Variants in RIF1 observed in about 807,000 individuals in gnomAD.
RIF1 encodes the protein replication timing regulatory factor 1.
In RIF1, 45 loss-of-function variants were observed where a neutral mutation model predicts 247.1. The ratio of observed to expected loss-of-function variants is 0.18; its 90% confidence interval spans 0.14 to 0.23. The LOEUF is 0.23. Ranked by LOEUF, RIF1 falls within the 10% of genes least tolerant of loss-of-function variation. The probability of loss-of-function intolerance (pLI) is 1.00; values close to 1 mark genes in which losing one functional copy is unlikely to be tolerated. For synonymous variants in RIF1, 1,087 were observed against 978.8 expected (o/e 1.11, Z -2.06); for missense variants, 2,967 against 2,862.5 (o/e 1.04, Z -0.83).
At chr2:151,500,425 C>CAG (rs60202285) in intron 11 of RIF1, among the ~76,000 whole-genome samples, 89,212 of 150,942 alleles carry the variant, frequency 0.59, 26,706 homozygotes, top group Admixed American at 0.7. Context: ...GTATATAATA[C>CAG]ACAAATAATT....
At chr2:151,497,312 G>A in intron 10 of RIF1, 1 of 974,212 alleles carries the variant, frequency 1.0e-6, no homozygotes, top group African/African-American at 1.8e-5. Flanking sequence ...TGAGTACCAT[G>A]CCTCCTAAAC....
At chr2:151,503,578 A>T (rs953925322) in intron 12 of RIF1, 3 of 564,688 alleles carry the variant, frequency 5.3e-6, no homozygotes, top group Non-Finnish European at 9.3e-6. Context: ...AACAGGGGGG[A>T]AAATTCCATG....
At chr2:151,448,331 G>T (rs544816647) in intron 20 of RIF1, among the ~76,000 whole-genome samples, 3 of 151,972 alleles carry the variant, frequency 2.0e-5, no homozygotes. Context: ...GGTGTGAGCC[G>T]CCGCGCCCAG....
downstream of RIF1, among the ~76,000 whole-genome samples, chr2:151,509,273 G>A (rs1030099271): frequency 6.6e-6 from 1 of 152,154 alleles, no homozygotes; most frequent in African/African-American, 2.4e-5. Flanking sequence ...ATGAACAAAT[G>A]TTTTGTTCAT....
At chr2:151,516,112 A>G in the RIF1 span, among the ~76,000 whole-genome samples, 1 of 152,236 alleles carries the variant, frequency 6.6e-6, no homozygotes, top group Non-Finnish European at 1.5e-5. Context: ...CTAAGAGTAG[A>G]GCATTTCAAA....
chr2:151,534,364 G>A, the RIF1 span: 4 of 1,538,770 alleles, frequency 2.6e-6, no homozygotes, highest in Non-Finnish European at 3.6e-6. Context: ...ACAACTTCAA[G>A]GCTACACAAA....
intron 9 of RIF1, chr2:151,493,628 G>A (rs1316962210): frequency 1.3e-6 from 1 of 747,130 alleles, no homozygotes; most frequent in African/African-American, 1.8e-5. Context: ...TGACCTCGTG[G>A]GGTTGGTTTG....
Position 151,462,281 on chromosome 2 carries a change from C to A in RIF1, c.3267C>A (p.Ser1089=), listed in dbSNP as rs1185238870. Residue 1089 remains serine (S), a synonymous_variant, in exon 28 of 36, where the codon TCC becomes TCA. Transcript: ENST00000444746. ...CCATGTATAATAATCTGGATGTTTC[C>A]CAAGATACCTTATTTACTCAGTATA... The part of the protein sequence containing the change: ...IPAMYNNLDV[S]QDTLFTQYSQ... 2.5e-6 allele frequency: 4 copies of A among 1,588,922 alleles called. No homozygotes were observed. The highest frequency in any genetic ancestry group is 2.6e-6 in the Non-Finnish European group (3 of 1,164,594).
At chr2:151,410,574 G>A (rs1573814966) in intron 2 of RIF1, 47 bp downstream of exon 2, 3 of 1,471,548 alleles carry the variant, frequency 2.0e-6, no homozygotes, top group Non-Finnish European at 9.5e-7. Flanking sequence ...GCTCTATAGT[G>A]GGGAGAAAGA....
At chr2:151,415,630 T>C (rs964603442) in intron 4 of RIF1, among the ~76,000 whole-genome samples, 1 of 148,114 alleles carries the variant, frequency 6.8e-6, no homozygotes, top group Non-Finnish European at 1.5e-5. Context: ...TCCCAGCACT[T>C]TGGGAGGCCG....
At chr2:151,516,675 G>T in the RIF1 span, 2 of 743,676 alleles carry the variant, frequency 2.7e-6, no homozygotes, top group Admixed American at 2.1e-5. Context: ...GCATCTCATT[G>T]CCACTCAAAA....
chr2:151,504,693 CTT>C (rs1246824154), intron 12 of RIF1, among the ~76,000 whole-genome samples: 1 of 152,202 alleles, frequency 6.6e-6, no homozygotes, highest in African/African-American at 2.4e-5. Context: ...TTCACATAGT[CTT>C]TTGCTAGTAG....
At chr2:151,449,693 T>G (rs1481316375) in intron 20 of RIF1, among the ~76,000 whole-genome samples, 1 of 152,250 alleles carries the variant, frequency 6.6e-6, no homozygotes, top group African/African-American at 2.4e-5. Flanking sequence ...GAAAACAACA[T>G]GTAGTTTTAT....
At chr2:151,520,947 T>C in the RIF1 span, among the ~76,000 whole-genome samples, 5 of 152,132 alleles carry the variant, frequency 3.3e-5, no homozygotes, top group African/African-American at 1.2e-4. Flanking sequence ...AAAAACAAAC[T>C]GATGCTTTTG....
intron 10 of RIF1, chr2:151,497,555 GTAT>G: frequency 6.6e-7 from 1 of 1,525,840 alleles, no homozygotes; most frequent in Non-Finnish European, 8.8e-7. Context: ...GGATTAATAC[GTAT>G]TATTTTAAAT....
the RIF1 span, chr2:151,529,115 G>C: frequency 2.5e-6 from 2 of 809,800 alleles, no homozygotes; most frequent in Non-Finnish European, 4.3e-6. Context: ...TCAATCACTA[G>C]AGCTGAATTG....
Position 151,465,326 on chromosome 2 carries a change from G to A in RIF1, c.5806G>A (p.Gly1936Ser). The A allele has an allele frequency of 1.2e-6, 2 of 1,613,758 alleles. No homozygotes were observed. Among genetic ancestry groups the A allele is most frequent in the Middle Eastern group, 1.7e-4 (1 of 6,060 alleles). Reference sequence around the variant, plus strand: ...TCATGGACAAGAGAGAACCAAAACTGGTATTTCTGAAGAAGCAGCAATAGA... The same window carrying A: ...TCATGGACAAGAGAGAACCAAAACTAGTATTTCTGAAGAAGCAGCAATAGA... ...SFHGQERTKT[G>S]ISEEAAIEEN... Residue 1936 changes from glycine to serine, a missense_variant, in exon 30 of 36, where the codon GGT becomes AGT. By Grantham distance (56) the Gly-to-Ser change is moderately conservative. Transcript: ENST00000444746.
At chr2:151,418,968 C>CTTTTTTTT (rs36020810) in intron 6 of RIF1, among the ~76,000 whole-genome samples, 3 of 111,724 alleles carry the variant, frequency 2.7e-5, no homozygotes, top group East Asian at 2.6e-4. Context: ...GCCTTAAATT[C>CTTTTTTTT]TTTTTTTTTT....
chr2:151,410,636 A>C, intron 2 of RIF1, 109 bp downstream of exon 2: 1 of 906,976 alleles, frequency 1.1e-6, no homozygotes, highest in Non-Finnish European at 1.7e-6. Context: ...AAGTCTAGCA[A>C]ATGTGAGGAC....
Sources: allele counts gnomAD v4.1 joint callset (sites outside exome capture counted in the v4.1 genomes callset), GRCh38; gene constraint gnomAD v4.1.1; transcripts MANE v1.5; gene names NCBI Gene and HGNC (gene_info 2026-07-23, HGNC 2026-07-21).